Variants in TNFRSF1B observed in about 807,000 individuals in gnomAD.
TNFRSF1B encodes tumor necrosis factor receptor superfamily member 1B.
Under a neutral mutation model 44.6 loss-of-function variants are expected in TNFRSF1B, and 19 were observed. That is an observed-to-expected ratio of 0.43 (90% CI 0.30 to 0.62). The LOEUF is 0.62. Among genes scored for constraint, TNFRSF1B ranks in the 20% least tolerant of loss-of-function variants. The probability of loss-of-function intolerance (pLI) is 0.16; values close to 1 mark genes in which losing one functional copy is unlikely to be tolerated. For synonymous variants in TNFRSF1B, 252 were observed against 261.1 expected, an observed-to-expected ratio of 0.97 and a Z score of 0.34; for missense variants, 541 against 619.9, an observed-to-expected ratio of 0.87 and a Z score of 1.35.
In TNFRSF1B at chr1:12,187,460, T is replaced by G. The variant is rs1007110693; in HGVS notation, c.79-1336T>G. 6.6e-6 allele frequency among the ~76,000 whole-genome samples: 1 copy of G among 152,190 alleles called. No homozygotes were observed. The highest frequency in any genetic ancestry group is 2.4e-5 in the African/African-American group (1 of 41,452). ...GAGCCACCACACCTGGCCCTCTCTC[T>G]CTTTTCATTCATCACATTGTTCATC... On this transcript the variant is annotated intron_variant, in intron 1 of 9. Coordinates refer to ENST00000376259, the MANE Select transcript of TNFRSF1B (RefSeq NM_001066.3). This position sits in a 1 kb window ranked among gnomAD's most constrained non-coding sequence, Gnocchi z 5.5.
intron 8 of TNFRSF1B, 49 bp downstream of exon 8, chr1:12,194,667 G>A (rs372666981): frequency 1.3e-4 from 212 of 1,601,856 alleles, no homozygotes; most frequent in Non-Finnish European, 1.6e-4. Flanking sequence ...TCTCCTTCCC[G>A]GCGTGCTGGG....
intron 9 of TNFRSF1B, 116 bp downstream of exon 9, chr1:12,202,287 C>T: frequency 7.0e-7 from 1 of 1,430,300 alleles, no homozygotes; most frequent in African/African-American, 1.4e-5. Context: ...AGGCCTGAGC[C>T]ACAGGGAACT....
At chr1:12,181,438 C>A (rs1638802934) in intron 1 of TNFRSF1B, among the ~76,000 whole-genome samples, 1 of 152,072 alleles carries the variant, frequency 6.6e-6, no homozygotes, top group Non-Finnish European at 1.5e-5. Context: ...CACAAGAACC[C>A]CTGGAGGAGA....
chr1:12,199,105 C>T lies in TNFRSF1B; in HGVS notation c.901-2862C>T, dbSNP rs927578909. Among the ~76,000 whole-genome samples the T allele has an allele frequency of 1.3e-5, 2 of 152,122 alleles. No individual in the cohort carries two copies. Among genetic ancestry groups the T allele is most frequent in the Admixed American group, 6.5e-5 (1 of 15,280 alleles). On this transcript the variant is annotated intron_variant, in intron 8 of 9. Coordinates refer to ENST00000376259, the MANE Select transcript of TNFRSF1B (RefSeq NM_001066.3). The surrounding 1 kb of genome is among the most constrained non-coding windows in gnomAD (Gnocchi z 4.0). ...GCCACCTGGGGCTGCTTGAACTTTGCGACTTGTGGCTTGGGAGGAGGGAGG... is the reference window on the plus strand; with the variant it reads ...GCCACCTGGGGCTGCTTGAACTTTGTGACTTGTGGCTTGGGAGGAGGGAGG...
In TNFRSF1B at chr1:12,177,496, G is replaced by A. The variant is rs886561896; in HGVS notation, c.78+10327G>A. Among the ~76,000 whole-genome samples, 4 of 152,174 alleles carry A rather than the reference G, an allele frequency of 2.6e-5. No individual in the cohort carries two copies. Among genetic ancestry groups the A allele is most frequent in the African/African-American group, 4.8e-5 (2 of 41,452 alleles). On this transcript the variant is annotated intron_variant, in intron 1 of 9. Transcript: ENST00000376259. The surrounding 1 kb of genome is among the most constrained non-coding windows in gnomAD (Gnocchi z 4.3). ...CACCCCCACTAGTGTGGGGGAGCAG[G>A]ATTCCAGGGCCTGCCTGGCGCTGCT...
At chr1:12,172,875 A>G (rs1638552448) in intron 1 of TNFRSF1B, among the ~76,000 whole-genome samples, 2 of 152,186 alleles carry the variant, frequency 1.3e-5, no homozygotes, top group Non-Finnish European at 2.9e-5. Context: ...GCACAGAGAG[A>G]GTGCACAAGG....
chr1:12,170,851 T>G (rs1396588741), intron 1 of TNFRSF1B, among the ~76,000 whole-genome samples: 4 of 151,508 alleles, frequency 2.6e-5, no homozygotes, highest in Non-Finnish European at 5.9e-5. Flanking sequence ...TTTTTTTGTA[T>G]TTTTAGTAGA....
At chr1:12,203,769 G>A (rs1359410149) in intron 9 of TNFRSF1B, among the ~76,000 whole-genome samples, 1 of 152,162 alleles carries the variant, frequency 6.6e-6, no homozygotes, top group Non-Finnish European at 1.5e-5. Flanking sequence ...CTAGGCTGGA[G>A]TGCAGTGGCG....
intron 9 of TNFRSF1B, among the ~76,000 whole-genome samples, chr1:12,206,299 G>A (rs1446225334): frequency 2.0e-5 from 3 of 151,492 alleles, no homozygotes; most frequent in Non-Finnish European, 4.4e-5. Context: ...ACTTGAGGCC[G>A]GGAGGCAGAG....
At position 12,186,947 on chromosome 1, in the gene TNFRSF1B, C is replaced by T. The variant is rs763028359; in HGVS notation, c.79-1849C>T. ...TAATTAATGCTTGTCCCTGAAAGCC[C>T]GGACTGCCAACCCCAGTCTTTCAGG... On this transcript the variant is annotated intron_variant, in intron 1 of 9. Coordinates refer to ENST00000376259, the MANE Select transcript of TNFRSF1B (RefSeq NM_001066.3). The surrounding 1 kb of genome is among the most constrained non-coding windows in gnomAD (Gnocchi z 4.8). Among the ~76,000 whole-genome samples the T allele has an allele frequency of 2.0e-5, 3 of 152,134 alleles. No individual in the cohort carries two copies. The highest frequency in any genetic ancestry group is 4.8e-5 in the African/African-American group (2 of 41,418).
intron 3 of TNFRSF1B, among the ~76,000 whole-genome samples, chr1:12,191,330 G>T (rs1476886988): frequency 1.3e-5 from 2 of 152,266 alleles, no homozygotes; most frequent in Non-Finnish European, 2.9e-5. Context: ...GAGGTGGTGC[G>T]TGGGAGAGTG....
rs555211439 is a variant in TNFRSF1B, at chr1:12,185,193, G to A, written c.79-3603G>A. ...CCACAGCCTTTGGATGCCGGGTCTC[G>A]GCCATGAGCCCCCTCCGCCACCCCT... On this transcript the variant is annotated intron_variant, in intron 1 of 9. Transcript: ENST00000376259. Among the ~76,000 whole-genome samples, 13 of 152,304 alleles carry A rather than the reference G, an allele frequency of 8.5e-5. No homozygotes were observed. The South Asian group carries it at 1.5e-3, about 17-fold the overall frequency.
rs1311336407 is a variant in TNFRSF1B, at chr1:12,187,604, C to T, written c.79-1192C>T. Among the ~76,000 whole-genome samples, 3 of 152,228 alleles carry T rather than the reference C, an allele frequency of 2.0e-5. No individual in the cohort carries two copies. Among genetic ancestry groups the T allele is most frequent in the Non-Finnish European group, 4.4e-5 (3 of 68,032 alleles). On this transcript the variant is annotated intron_variant, in intron 1 of 9. Transcript: ENST00000376259. This position sits in a 1 kb window ranked among gnomAD's most constrained non-coding sequence, Gnocchi z 5.5. ...CTGGGACCTTGGGCAGGTGACCTGC[C>T]CTCTCAGGCCTCGGTTTCCTGTTCT...
chr1:12,197,031 T>A (rs1225461366), intron 8 of TNFRSF1B, among the ~76,000 whole-genome samples: 1 of 151,032 alleles, frequency 6.6e-6, no homozygotes, highest in Non-Finnish European at 1.5e-5. Flanking sequence ...CACTGCAGCC[T>A]CCGCCTCCCG....
chr1:12,196,114 A>G lies in TNFRSF1B; in HGVS notation c.900+1496A>G, dbSNP rs235253. 6.9e-3 allele frequency among the ~76,000 whole-genome samples: 1,052 copies of G among 152,308 alleles called. 13 individuals carry two copies. The highest frequency in any genetic ancestry group is 0.024 in the African/African-American group (981 of 41,556). On this transcript the variant is annotated intron_variant, in intron 8 of 9. Coordinates refer to ENST00000376259, the MANE Select transcript of TNFRSF1B (RefSeq NM_001066.3). ...TCAGGAGTTCAAGACTAGTCTGGCCATCATGGTAAAACCCCATCTCTACTA... is the reference window on the plus strand; with the variant it reads ...TCAGGAGTTCAAGACTAGTCTGGCCGTCATGGTAAAACCCCATCTCTACTA...
chr1:12,191,366 C>G (rs919541350), intron 3 of TNFRSF1B, among the ~76,000 whole-genome samples: 2 of 152,230 alleles, frequency 1.3e-5, no homozygotes, highest in African/African-American at 4.8e-5. Context: ...CTGCGAGGAG[C>G]AGGACTGCGG....
chr1:12,188,792 C>T lies in TNFRSF1B; in HGVS notation c.79-4C>T, dbSNP rs538265107. The T allele has an allele frequency of 3.1e-6, 5 of 1,612,922 alleles. No individual in the cohort carries two copies. Among genetic ancestry groups the T allele is most frequent in the East Asian group, 2.2e-5 (1 of 44,850 alleles). On this transcript the variant is annotated splice_region_variant and splice_polypyrimidine_tract_variant and intron_variant, in intron 1 of 9. Transcript: ENST00000376259. Reference sequence around the variant, plus strand: ...TGATGGCAGTCTTCCCTTCTTCCTTCCAGGTGGCATTTACACCCTACGCCC... The same window carrying T: ...TGATGGCAGTCTTCCCTTCTTCCTTTCAGGTGGCATTTACACCCTACGCCC...
At position 12,202,086 on chromosome 1, in the gene TNFRSF1B, A is replaced by G. The variant is rs746882502; in HGVS notation, c.1020A>G (p.Arg340=). The part of the protein sequence containing the change: ...SLESSASALD[R]RAPTRNQPQA... The stretch of plus-strand genomic sequence containing the variant: ...AGAGCTCGGCCAGTGCGTTGGACAG[A>G]AGGGCGCCCACTCGGAACCAGCCAC... Residue 340 remains arginine, a synonymous_variant, in exon 9 of 10, where the codon AGA becomes AGG. Transcript: ENST00000376259. 3.1e-6 allele frequency: 5 copies of G among 1,588,820 alleles called. No homozygotes were observed. The East Asian group carries it at 6.9e-5, about 22-fold the overall frequency.
chr1:12,202,856 G>A (rs1214812110), intron 9 of TNFRSF1B, among the ~76,000 whole-genome samples: 1 of 152,252 alleles, frequency 6.6e-6, no homozygotes, highest in Non-Finnish European at 1.5e-5. Context: ...CCCCTAGGCT[G>A]TCGGGCTCCA....
Sources: gnomAD v4.1 joint callset for allele counts (sites outside exome capture counted in the v4.1 genomes callset) on GRCh38, gnomAD v4.1.1 for gene constraint, Gnocchi (gnomAD v3.1) non-coding constraint, MANE v1.5 for transcripts, NCBI Gene and HGNC (gene_info 2026-07-23, HGNC 2026-07-21) for gene names.